Variants in IL27RA observed in about 807,000 individuals in gnomAD.
The protein encoded by IL27RA is interleukin-27 receptor subunit alpha.
IL27RA carries 61 observed loss-of-function variants against 80.8 expected under a neutral mutation model. That is an observed-to-expected ratio of 0.76 (90% CI 0.61 to 0.93). IL27RA has a LOEUF of 0.93. IL27RA is among the 40% of genes least tolerant of loss of function. The pLI, the probability that IL27RA is intolerant of heterozygous loss-of-function variation, is 0.00. For synonymous variants in IL27RA, 316 were observed against 332.5 expected (o/e 0.95, Z 0.54); for missense variants, 735 against 808.1 (o/e 0.91, Z 1.10).
Position 14,042,704 on chromosome 19 carries a change from CA to C in IL27RA, c.695-11del, listed in dbSNP as rs777592553. The C allele has an allele frequency of 6.2e-7, 1 of 1,614,144 alleles. No individual in the cohort carries two copies. The highest frequency in any genetic ancestry group is 8.5e-7 in the Non-Finnish European group (1 of 1,180,018). ...CCCACTCATTTGTTCCCCGTTTCCT[CA>C]TCCTTGCCAGCTCCAAAAGATGTGT... On this transcript the variant is annotated splice_polypyrimidine_tract_variant and intron_variant, in intron 5 of 13. Coordinates refer to ENST00000263379, the MANE Select transcript of IL27RA (RefSeq NM_004843.4).
In IL27RA at chr19:14,049,294, G is replaced by GC. The variant is rs1393792735; in HGVS notation, c.1386dup (p.Ser463LeufsTer17). On this transcript the variant is annotated frameshift_variant, in exon 10 of 14. Transcript: ENST00000263379. LOFTEE classifies it high-confidence loss of function. Reference sequence around the variant, plus strand: ...ACCTTGTGTGCACAGAGTGGAACCAGCCCCTCCGTCTGCATGAATGGTGAG... The same window carrying GC: ...ACCTTGTGTGCACAGAGTGGAACCAGCCCCCTCCGTCTGCATGAATGGTGAG... 6.2e-7 allele frequency: 1 copy of GC among 1,613,778 alleles called. No individual in the cohort carries two copies. Among genetic ancestry groups the GC allele is most frequent in the East Asian group, 2.2e-5 (1 of 44,866 alleles).
intron 8 of IL27RA, 139 bp from the exon 9 acceptor site, chr19:14,048,842 G>T: frequency 1.3e-6 from 1 of 762,940 alleles, no homozygotes; most frequent in Non-Finnish European, 2.2e-6. Context: ...GGGTTTTCTG[G>T]GATTACCTCC....
chr19:14,051,352 C>T (rs1170323999), intron 11 of IL27RA, among the ~76,000 whole-genome samples: 1 of 152,072 alleles, frequency 6.6e-6, no homozygotes, highest in Non-Finnish European at 1.5e-5. Flanking sequence ...CGAGACCAGC[C>T]TGGCCAATGT....
At position 14,051,644 on chromosome 19, in the gene IL27RA, ATTC is replaced by A. The variant is rs1269635813; in HGVS notation, c.1569_1571del (p.Phe523del). 6.2e-7 allele frequency: 1 copy of A among 1,612,984 alleles called. No individual in the cohort carries two copies. The highest frequency in any genetic ancestry group is 2.2e-5 in the East Asian group (1 of 44,856). The stretch of plus-strand genomic sequence containing the variant: ...GGTGGAAAGTTCTGCCGGGCATCCT[ATTC>A]TTGTGGGGCTTGTTCCTGTTGGGGT... On this transcript the variant is annotated inframe_deletion, in exon 12 of 14. Coordinates refer to ENST00000263379, the MANE Select transcript of IL27RA (RefSeq NM_004843.4).
intron 1 of IL27RA, 60 bp from the exon 2 acceptor site, chr19:14,032,326 G>A: frequency 1.6e-6 from 2 of 1,285,662 alleles, no homozygotes; most frequent in African/African-American, 1.5e-5. Flanking sequence ...GTTCTGGGGT[G>A]TGCAGGCGGA....
chr19:14,037,318 T>C (rs1975917696), intron 2 of IL27RA, among the ~76,000 whole-genome samples: 1 of 151,798 alleles, frequency 6.6e-6, no homozygotes, highest in Admixed American at 6.6e-5. Flanking sequence ...TGGAGGGCAA[T>C]GGAGCAATCT....
At chr19:14,037,699 T>C (rs1340701016) in intron 2 of IL27RA, among the ~76,000 whole-genome samples, 2 of 152,092 alleles carry the variant, frequency 1.3e-5, no homozygotes, top group African/African-American at 4.8e-5. Context: ...AAATGTCTCC[T>C]CAGGCTGGGC....
At chr19:14,045,192 T>A (rs1250401022) in intron 6 of IL27RA, among the ~76,000 whole-genome samples, 2 of 127,570 alleles carry the variant, frequency 1.6e-5, no homozygotes, top group Non-Finnish European at 3.3e-5. Context: ...GAGGCTGAGG[T>A]GGGAGGATCA....
Position 14,039,508 on chromosome 19 carries a change from C to T in IL27RA, c.219C>T (p.Tyr73=). 1 of 1,611,308 alleles carries T rather than the reference C, an allele frequency of 6.2e-7. No individual in the cohort carries two copies. The highest frequency in any genetic ancestry group is 1.1e-5 in the South Asian group (1 of 90,608). ...CTCATCCCCGCCTCTCTCCTCACAG[C>T]CGTTCCAACAAAACCCAGACTGTGG... ...PSELHLQSQK[Y]RSNKTQTVAV... The change falls in exon 3 of 14, where the codon TAC becomes TAT. Residue 73 remains tyrosine, a splice_region_variant and synonymous_variant. Transcript: ENST00000263379.
intron 10 of IL27RA, among the ~76,000 whole-genome samples, chr19:14,050,267 C>T (rs978405123): frequency 3.9e-5 from 6 of 151,964 alleles, no homozygotes; most frequent in Non-Finnish European, 8.8e-5. Flanking sequence ...TTTTGGAGGC[C>T]GAGGTGGGCA....
rs201824283 is a variant in IL27RA at position 14,045,093 on chromosome 19, C to T, written c.769-1061C>T. On this transcript the variant is annotated intron_variant, in intron 6 of 13. Coordinates refer to ENST00000263379, the MANE Select transcript of IL27RA (RefSeq NM_004843.4). The stretch of plus-strand genomic sequence containing the variant: ...TCAGATTGCGCCACTGCACTCCAGC[C>T]TGGGTGACAGAATGAGACTCTGTCT... Among the ~76,000 whole-genome samples the T allele has an allele frequency of 1.3e-4, 19 of 149,018 alleles. No homozygotes were observed. The East Asian group carries it at 3.4e-3, about 26-fold the overall frequency.
At chr19:14,050,709 C>T (rs751370815) in intron 10 of IL27RA, 49 bp from the exon 11 acceptor site, 152 of 1,577,688 alleles carry the variant, frequency 9.6e-5, no homozygotes, top group Admixed American at 2.9e-4. Context: ...TGCAAAGGCC[C>T]TGTGGTAGGC....
At chr19:14,045,316 G>C (rs963255118) in intron 6 of IL27RA, among the ~76,000 whole-genome samples, 1 of 150,544 alleles carries the variant, frequency 6.6e-6, no homozygotes, top group African/African-American at 2.4e-5. Context: ...ATGGCTGGGC[G>C]TGGTGGCTCA....
intron 6 of IL27RA, among the ~76,000 whole-genome samples, chr19:14,043,550 A>G (rs1976021274): frequency 6.6e-6 from 1 of 151,186 alleles, no homozygotes; most frequent in African/African-American, 2.4e-5. Flanking sequence ...CAGCCTCCCA[A>G]GTAGCTGGGA....
chr19:14,042,320 C>A (rs895188732), intron 4 of IL27RA, 133 bp from the exon 5 acceptor site: 4 of 907,744 alleles, frequency 4.4e-6, no homozygotes, highest in Non-Finnish European at 6.7e-6. Flanking sequence ...GAGCCAAGAT[C>A]ACACCACTGC....
At chr19:14,040,700 T>C (rs1340942520) in intron 4 of IL27RA, among the ~76,000 whole-genome samples, 1 of 151,526 alleles carries the variant, frequency 6.6e-6, no homozygotes, top group Non-Finnish European at 1.5e-5. Context: ...TGGGTGCCTG[T>C]AGTCCCAGCT....
At chr19:14,034,270 TG>T in intron 2 of IL27RA, among the ~76,000 whole-genome samples, 1 of 152,072 alleles carries the variant, frequency 6.6e-6, no homozygotes, top group Non-Finnish European at 1.5e-5. Flanking sequence ...AATTTCAAAT[TG>T]GGCTAAGTGA....
At chr19:14,034,191 C>G (rs1241848902) in intron 2 of IL27RA, among the ~76,000 whole-genome samples, 7 of 152,182 alleles carry the variant, frequency 4.6e-5, no homozygotes, top group Non-Finnish European at 4.4e-5. Context: ...AAGAGGTAGA[C>G]AGAAAGCCCT....
In IL27RA at chr19:14,050,865, C is replaced by T. The variant is rs779042241; in HGVS notation, c.1510C>T (p.Leu504Phe). 3 of 1,610,588 alleles carry T rather than the reference C, an allele frequency of 1.9e-6. No homozygotes were observed. Among genetic ancestry groups the T allele is most frequent in the Admixed American group, 1.7e-5 (1 of 59,908 alleles). ...TGGACAGGGCCCTCCTGGTCCCATC[C>T]TCCGGCTTCATCTACCAGGTAGGGG... is the stretch of plus-strand genomic sequence containing the variant. ...IAGQGPPGPI[L>F]RLHLPDNTLR... The change falls in exon 11 of 14, where the codon CTC becomes TTC. Residue 504 changes from leucine to phenylalanine, a missense_variant. Leu to Phe is a conservative substitution (Grantham distance 22, BLOSUM62 0). Transcript: ENST00000263379.
Sources: gnomAD v4.1 joint callset for allele counts (sites outside exome capture counted in the v4.1 genomes callset) on GRCh38, gnomAD v4.1.1 for gene constraint, MANE v1.5 for transcripts, NCBI Gene and HGNC (gene_info 2026-07-23, HGNC 2026-07-21) for gene names.